Variants in OR5P3 observed in about 807,000 individuals in gnomAD.
OR5P3 encodes the protein olfactory receptor 5P3.
For missense variants in OR5P3, 415 were observed against 375.6 expected, an observed-to-expected ratio of 1.10 and a Z score of -0.87; for synonymous variants, 172 against 141.8, an observed-to-expected ratio of 1.21 and a Z score of -1.51.
rs768899891 is a variant in OR5P3, at chr11:7,825,913, A to G, written c.60T>C (p.Asp20=). 3.7e-6 allele frequency: 6 copies of G among 1,604,698 alleles called. 1 individual carries two copies. In the African/African-American group the frequency reaches 8.1e-5, roughly 22 times the overall value. Residue 20 remains aspartate, a synonymous_variant, in exon 2 of 2, where the codon GAT becomes GAC. Coordinates refer to ENST00000641167, the MANE Select transcript of OR5P3 (RefSeq NM_153445.2). ...VEFTLLGLSE[D]TTVCAILFLV... ...GAAATAAAATAGCACAAACTGTAGT[A>G]TCCTCAGATAACCCCAAAAGAGTAA...
rs1857732324 is a variant in OR5P3, at chr11:7,825,793, G to A, written c.180C>T (p.Tyr60=). The A allele has an allele frequency of 3.1e-6, 5 of 1,613,222 alleles. No individual in the cohort carries two copies. Among genetic ancestry groups the A allele is most frequent in the Non-Finnish European group, 3.4e-6 (4 of 1,179,996 alleles). The part of the protein sequence containing the change: ...RRSHHLHTPM[Y]IFLCHLAFVD... ...CAAAGGCCAAATGGCAGAGGAAAATGTACATGGGTGTATGAAGATGATGAC... is the reference window on the plus strand; with the variant it reads ...CAAAGGCCAAATGGCAGAGGAAAATATACATGGGTGTATGAAGATGATGAC... Residue 60 remains tyrosine (Y), a synonymous_variant, in exon 2 of 2, where the codon TAC becomes TAT. Coordinates refer to ENST00000641167, the MANE Select transcript of OR5P3 (RefSeq NM_153445.2).
Position 7,825,298 on chromosome 11 carries a change from G to A in OR5P3, c.675C>T (p.Ile225=), listed in dbSNP as rs200411628. ...GGCCCTTGGTGGAGTGCATCTTCAGGATGGTGATGAGGATATAGATGTAGG... is the reference window on the plus strand; with the variant it reads ...GGCCCTTGGTGGAGTGCATCTTCAGAATGGTGATGAGGATATAGATGTAGG... ...AISYIYILIT[I]LKMHSTKGRH... Residue 225 remains isoleucine, a synonymous_variant, in exon 2 of 2, where the codon ATC becomes ATT. Coordinates refer to ENST00000641167, the MANE Select transcript of OR5P3 (RefSeq NM_153445.2). 1 of 1,613,196 alleles carries A rather than the reference G, an allele frequency of 6.2e-7. No individual in the cohort carries two copies. The highest frequency in any genetic ancestry group is 1.3e-5 in the African/African-American group (1 of 74,102).
rs901525155 is a variant in OR5P3 at position 7,825,229 on chromosome 11, G to A, written c.744C>T (p.Val248=). The change falls in exon 2 of 2, where the codon GTC becomes GTT. Residue 248 remains valine (V), a synonymous_variant. Coordinates refer to ENST00000641167, the MANE Select transcript of OR5P3 (RefSeq NM_153445.2). ...AGGTAATGGTCCCATAGAACAGAGT[G>A]ACTGCAGTGAGGTGGGAGGTGCAGG... The part of the protein sequence containing the change: ...FSTCTSHLTA[V]TLFYGTITFI... The A allele has an allele frequency of 8.1e-6, 13 of 1,612,976 alleles. No homozygotes were observed. The highest frequency in any genetic ancestry group is 1.0e-5 in the Non-Finnish European group (12 of 1,180,014).
At position 7,825,232 on chromosome 11, in the gene OR5P3, T is replaced by C. The variant is rs765859249; in HGVS notation, c.741A>G (p.Ala247=). The C allele has an allele frequency of 5.0e-6, 8 of 1,613,000 alleles. No individual in the cohort carries two copies. The highest frequency in any genetic ancestry group is 5.1e-6 in the Non-Finnish European group (6 of 1,180,014). Residue 247 remains alanine, a synonymous_variant, in exon 2 of 2, where the codon GCA becomes GCG. Transcript: ENST00000641167. ...AFSTCTSHLT[A]VTLFYGTITF... ...TAATGGTCCCATAGAACAGAGTGAC[T>C]GCAGTGAGGTGGGAGGTGCAGGTGG...
Position 7,825,110 on chromosome 11 carries a change from A to AGG in OR5P3, c.861_862dup (p.Leu288ProfsTer2), listed in dbSNP as rs762555967. The AGG allele has an allele frequency of 1.2e-6, 2 of 1,613,608 alleles. No individual in the cohort carries two copies. Among genetic ancestry groups the AGG allele is most frequent in the East Asian group, 4.5e-5 (2 of 44,886 alleles). On this transcript the variant is annotated frameshift_variant, in exon 2 of 2. Transcript: ENST00000641167. LOFTEE classifies it low-confidence loss of function (END_TRUNC). Reference sequence around the variant, plus strand: ...CTCCTTGTTCCTGAGGCTGTAGATCAGGGGGTTCAACATGGGAATCACCAC... The same window carrying AGG: ...CTCCTTGTTCCTGAGGCTGTAGATCAGGGGGGGTTCAACATGGGAATCACCAC...
At chr11:7,829,673 T>C (rs1290188494) in intron 1 of OR5P3, among the ~76,000 whole-genome samples, 1 of 152,228 alleles carries the variant, frequency 6.6e-6, no homozygotes, top group African/African-American at 2.4e-5. Context: ...ACTTTCTCAA[T>C]AGATTGCTTT....
chr11:7,828,606 T>A (rs1857772759), intron 1 of OR5P3, among the ~76,000 whole-genome samples: 1 of 152,134 alleles, frequency 6.6e-6, no homozygotes, highest in African/African-American at 2.4e-5. Context: ...AATCCCAGTA[T>A]CTCACCCAAG....
chr11:7,830,297 G>A (rs957715996), intron 1 of OR5P3, among the ~76,000 whole-genome samples: 6 of 152,008 alleles, frequency 3.9e-5, no homozygotes, highest in Non-Finnish European at 5.9e-5. Flanking sequence ...ATAATTTCAC[G>A]TCTGAATTAA....
In OR5P3 at chr11:7,825,353, A is replaced by G. The variant is rs2133492107; in HGVS notation, c.620T>C (p.Ile207Thr). 3.7e-6 allele frequency: 6 copies of G among 1,613,248 alleles called. No individual in the cohort carries two copies. Among genetic ancestry groups the G allele is most frequent in the Non-Finnish European group, 5.1e-6 (6 of 1,180,036 alleles). Residue 207 changes from isoleucine (I) to threonine (T), a missense_variant, in exon 2 of 2, where the codon ATT (isoleucine) becomes ACT (threonine). By Grantham distance (89) the Ile-to-Thr change is moderately conservative. Transcript: ENST00000641167. ...GGCTATGACACACACAGTGGCCACA[A>G]TGATAGATCCAGAAGAGATAGCTGG... ...IIPAISSGSI[I>T]VATVCVIAIS... is the part of the protein sequence containing the mutation.
At chr11:7,826,711 C>T (rs1857745946) in intron 1 of OR5P3, among the ~76,000 whole-genome samples, 1 of 152,220 alleles carries the variant, frequency 6.6e-6, no homozygotes, top group African/African-American at 2.4e-5. Flanking sequence ...CTATCTGATT[C>T]ATGATAGTGA....
At chr11:7,828,142 G>A (rs999532796) in intron 1 of OR5P3, among the ~76,000 whole-genome samples, 1 of 152,006 alleles carries the variant, frequency 6.6e-6, no homozygotes, top group South Asian at 2.1e-4. Context: ...AAAGTGGTAA[G>A]AGAAAAAAAA....
In OR5P3 at chr11:7,825,641, T is replaced by C; in HGVS notation, c.332A>G (p.Glu111Gly). 1 of 1,612,956 alleles carries C rather than the reference T, an allele frequency of 6.2e-7. No individual in the cohort carries two copies. The highest frequency in any genetic ancestry group is 1.7e-5 in the Admixed American group (1 of 59,970). Residue 111 changes from glutamate to glycine, a missense_variant, in exon 2 of 2, where the codon GAG becomes GGG. Transcript: ENST00000641167. ...GGCCATGGCAGCCAGCAGGAAGCAC[T>C]CGGCCGTACCAAACGTCACTACAGA... ...LCSVVTFGTA[E>G]CFLLAAMAYD... is the part of the protein sequence containing the mutation.
intron 1 of OR5P3, among the ~76,000 whole-genome samples, chr11:7,827,216 C>T (rs1302261524): frequency 6.6e-6 from 1 of 152,148 alleles, no homozygotes; most frequent in Non-Finnish European, 1.5e-5. Context: ...AGACTATAGA[C>T]TATCAGAAAG....
At chr11:7,827,478 T>G (rs1268376982) in intron 1 of OR5P3, among the ~76,000 whole-genome samples, 1 of 152,138 alleles carries the variant, frequency 6.6e-6, no homozygotes, top group Non-Finnish European at 1.5e-5. Context: ...CACTAAGATT[T>G]TCTTTTTTCT....
intron 1 of OR5P3, among the ~76,000 whole-genome samples, chr11:7,829,636 A>G (rs997457512): frequency 2.0e-5 from 3 of 152,238 alleles, no homozygotes; most frequent in African/African-American, 7.2e-5. Context: ...TCTATACTCT[A>G]CACATCCATA....
Position 7,825,562 on chromosome 11 carries a change from G to A in OR5P3, c.411C>T (p.Ser137=), listed in dbSNP as rs1254366653. The A allele has an allele frequency of 1.2e-6, 2 of 1,612,996 alleles. No individual in the cohort carries two copies. The highest frequency in any genetic ancestry group is 1.4e-5 in the African/African-American group (1 of 73,946). ...CCACTAAGATGATGCAGACTCCAGG[G>A]GACATGCAGGTAGAGTAGAGCAGGG... The part of the protein sequence containing the change: ...CSPLLYSTCM[S]PGVCIILVGM... Residue 137 remains serine, a synonymous_variant, in exon 2 of 2, where the codon TCC becomes TCT. Coordinates refer to ENST00000641167, the MANE Select transcript of OR5P3 (RefSeq NM_153445.2).
chr11:7,824,961 C>T lies in OR5P3; in HGVS notation c.*76G>A. The T allele has an allele frequency of 8.2e-7, 1 of 1,219,542 alleles. No homozygotes were observed. The highest frequency in any genetic ancestry group is 1.1e-6 in the Non-Finnish European group (1 of 902,964). 75.5% of individuals were successfully genotyped at this position (1,219,542 alleles called of 1,614,324 possible). A position where few individuals can be genotyped will look rare whatever the true frequency, so the allele number is the denominator to read the frequency against. On this transcript the variant is annotated 3_prime_UTR_variant, in exon 2 of 2. Transcript: ENST00000641167. ...TGGTCTATGGACAGATAAATTTTGA[C>T]CACAAACACTCGGTGTCTTATTATT... is the stretch of plus-strand genomic sequence containing the variant.
At chr11:7,827,922 A>C (rs1244664695) in intron 1 of OR5P3, among the ~76,000 whole-genome samples, 1 of 152,180 alleles carries the variant, frequency 6.6e-6, no homozygotes, top group Non-Finnish European at 1.5e-5. Context: ...AAAATGAGTG[A>C]GCCAGAGCCA....
At chr11:7,828,534 G>T (rs1050933372) in intron 1 of OR5P3, among the ~76,000 whole-genome samples, 9 of 152,160 alleles carry the variant, frequency 5.9e-5, no homozygotes, top group African/African-American at 1.9e-4. Context: ...TGTGAAGATT[G>T]TGAGGAAGGG....
Sources: allele counts gnomAD v4.1 joint callset (sites outside exome capture counted in the v4.1 genomes callset), GRCh38; gene constraint gnomAD v4.1.1; transcripts MANE v1.5; gene names NCBI Gene and HGNC (gene_info 2026-07-23, HGNC 2026-07-21).